ZNF638: variants seen among roughly 807,000 people sequenced by gnomAD.
The protein encoded by ZNF638 is zinc finger protein 638.
A neutral mutation model predicts 195.6 loss-of-function variants in ZNF638; 46 were observed. The observed-to-expected ratio is 0.24, with a 90% CI of 0.19 to 0.30. The LOEUF (loss-of-function observed/expected upper bound fraction) is 0.30, where lower values mean the gene tolerates loss of function less well. Among genes scored for constraint, ZNF638 ranks in the 10% least tolerant of loss-of-function variants. The pLI, the probability that ZNF638 is intolerant of heterozygous loss-of-function variation, is 1.00. For missense variants in ZNF638, 2,440 were observed against 2,325.3 expected (o/e 1.05, Z -1.01); for synonymous variants, 845 against 772.0 (o/e 1.09, Z -1.57).
At chr2:71,352,999 G>A (rs2058899) in intron 2 of ZNF638, among the ~76,000 whole-genome samples, 72,964 of 151,976 alleles carry the variant, frequency 0.48, 19,019 homozygotes, top group Admixed American at 0.61. Context: ...CTACTAAGTG[G>A]CCAAATGATA....
chr2:71,421,190 G>A lies in ZNF638; in HGVS notation c.3300-1624G>A, dbSNP rs532535335. Among the ~76,000 whole-genome samples, 4 of 152,210 alleles carry A rather than the reference G, an allele frequency of 2.6e-5. No individual in the cohort carries two copies. The East Asian group carries it at 5.8e-4, about 22-fold the overall frequency. On this transcript the variant is annotated intron_variant, in intron 21 of 27. Transcript: ENST00000264447. ...TTCTTCATTATTGGAAATGAGTCTT[G>A]TAATTTAAAGACAAAAGCTTGTTTT... is the stretch of plus-strand genomic sequence containing the variant.
chr2:71,404,083 C>G, intron 17 of ZNF638, 85 bp downstream of exon 17: 5 of 1,381,246 alleles, frequency 3.6e-6, no homozygotes, highest in Non-Finnish European at 4.9e-6. Flanking sequence ...TAGTTTTCCA[C>G]TTTGGTTCAC....
chr2:71,365,522 A>G lies in ZNF638; in HGVS notation c.1811A>G (p.His604Arg), dbSNP rs963375102. 7 of 1,614,134 alleles carry G rather than the reference A, an allele frequency of 4.3e-6. No individual in the cohort carries two copies. Among genetic ancestry groups the G allele is most frequent in the Non-Finnish European group, 5.9e-6 (7 of 1,180,002 alleles). ...CATCTTGAAGCTGCTGATAAGGGAC[A>G]TTCACCAGCACAAAAGCCTAAAACT... Reference protein sequence around the residue: ...QKHLEAADKGHSPAQKPKTSS... With the variant: ...QKHLEAADKGRSPAQKPKTSS... The change falls in exon 6 of 28, where the codon CAT becomes CGT. Residue 604 changes from histidine to arginine, a missense_variant. His to Arg is a conservative substitution (Grantham distance 29, BLOSUM62 0). Around this residue, in one of 5 missense-constraint regions of ZNF638, gnomAD observed 1,883 missense variants for 1,739.1 expected, o/e 1.08. Transcript: ENST00000264447.
rs544043047 is a variant in ZNF638, at chr2:71,428,800, C to T, written c.5650+149C>T. 4 of 576,116 alleles carry T rather than the reference C, an allele frequency of 6.9e-6. No homozygotes were observed. The Admixed American group carries it at 1.4e-4, about 20-fold the overall frequency. 35.7% of individuals were successfully genotyped at this position (576,116 alleles called of 1,614,324 possible). A position where few individuals can be genotyped will look rare whatever the true frequency, so the allele number is the denominator to read the frequency against. ...AACTATAGTTATTAGATGTGGGTAA[C>T]ATTTTGATCTTTGTAATGTAGAGAG... On this transcript the variant is annotated intron_variant, in intron 25 of 27. Transcript: ENST00000264447.
At chr2:71,374,702 G>A (rs2079387274) in intron 8 of ZNF638, 1 of 152,172 alleles carries the variant, frequency 6.6e-6, no homozygotes, top group African/African-American at 2.4e-5. Context: ...CAGATAACTT[G>A]AGCTCAGGAG....
At position 71,427,365 on chromosome 2, in the gene ZNF638, G is replaced by A. The variant is rs770679709; in HGVS notation, c.5496G>A (p.Glu1832=). Residue 1832 remains glutamate (E), a synonymous_variant, in exon 24 of 28, where the codon GAG becomes GAA. Coordinates refer to ENST00000264447, the MANE Select transcript of ZNF638 (RefSeq NM_014497.5). The part of the protein sequence containing the change: ...ESLSQVGPVN[E]NVMEEDLKTM... ...TGTCCCAAGTGGGTCCAGTAAATGA[G>A]AATGTTATGGAAGAAGATCTAAAAA... The A allele has an allele frequency of 6.3e-7, 1 of 1,589,034 alleles. No homozygotes were observed. The highest frequency in any genetic ancestry group is 8.5e-7 in the Non-Finnish European group (1 of 1,173,534).
At chr2:71,422,303 A>G (rs1050307106) in intron 21 of ZNF638, among the ~76,000 whole-genome samples, 3 of 152,162 alleles carry the variant, frequency 2.0e-5, no homozygotes, top group African/African-American at 7.2e-5. Context: ...ACATCCAAAA[A>G]AAAAATAAAA....
chr2:71,388,454 G>A lies in ZNF638; in HGVS notation c.2378-7687G>A, dbSNP rs765113066. On this transcript the variant is annotated intron_variant, in intron 10 of 27. Transcript: ENST00000264447. ...CGGGGGCAACAACTACCCACAGATT[G>A]TGTTGGCTCCAGGCCTTTGTCATTA... 1.3e-4 allele frequency: 90 copies of A among 688,030 alleles called. 1 individual carries two copies. The highest frequency in any genetic ancestry group is 9.6e-4 in the Middle Eastern group (4 of 4,178). 42.6% of individuals were successfully genotyped at this position (688,030 alleles called of 1,614,324 possible). A position where few individuals can be genotyped will look rare whatever the true frequency, so the allele number is the denominator to read the frequency against.
intron 3 of ZNF638, 90 bp downstream of exon 3, chr2:71,355,870 C>A: frequency 4.9e-6 from 3 of 612,054 alleles, no homozygotes; most frequent in Admixed American, 4.0e-5. Flanking sequence ...TAGTATAATA[C>A]TTTGGAGAAA....
Position 71,380,296 on chromosome 2 carries a change from A to T in ZNF638, c.2324+16A>T. 6.6e-7 allele frequency: 1 copy of T among 1,525,184 alleles called. No individual in the cohort carries two copies. The highest frequency in any genetic ancestry group is 2.3e-5 in the East Asian group (1 of 43,216). The allele number at this position is 1,525,184 out of a possible 1,614,324, so 94.5% of individuals were successfully genotyped here. A position where few individuals can be genotyped will look rare whatever the true frequency, so the allele number is the denominator to read the frequency against. On this transcript the variant is annotated intron_variant, in intron 9 of 27. Coordinates refer to ENST00000264447, the MANE Select transcript of ZNF638 (RefSeq NM_014497.5). ...CTACCTTAAAGTAAGTGACTTTATGATTTCATATGTGAGAATGAAATGTGC... is the reference window on the plus strand; with the variant it reads ...CTACCTTAAAGTAAGTGACTTTATGTTTTCATATGTGAGAATGAAATGTGC...
chr2:71,383,579 T>TC (rs1022375479), intron 10 of ZNF638, among the ~76,000 whole-genome samples: 18 of 146,474 alleles, frequency 1.2e-4, no homozygotes, highest in African/African-American at 1.5e-4. Flanking sequence ...TTTTTTTTTT[T>TC]TTCTTCTTTT....
At chr2:71,419,718 A>G (rs1402315193) in intron 21 of ZNF638, among the ~76,000 whole-genome samples, 1 of 152,152 alleles carries the variant, frequency 6.6e-6, no homozygotes, top group Non-Finnish European at 1.5e-5. Context: ...GTAGTACTAT[A>G]TATATAGACC....
In ZNF638 at chr2:71,349,953, C is replaced by A. The variant is rs2078913700; in HGVS notation, c.999C>A (p.Asn333Lys). 6.2e-7 allele frequency: 1 copy of A among 1,614,060 alleles called. No individual in the cohort carries two copies. Among genetic ancestry groups the A allele is most frequent in the Non-Finnish European group, 8.5e-7 (1 of 1,180,046 alleles). The change falls in exon 2 of 28, where the codon AAC becomes AAA. Residue 333 changes from asparagine (N) to lysine (K), a missense_variant. Coordinates refer to ENST00000264447, the MANE Select transcript of ZNF638 (RefSeq NM_014497.5). ...AATCTCTGATTCCTCCATCTATGAA[C>A]CAGCAACCTTTTTCGTCGGAATTAA... ...MSQSLIPPSM[N>K]QQPFSSELIS...
At chr2:71,383,565 T>G (rs376818170) in intron 10 of ZNF638, among the ~76,000 whole-genome samples, 14,626 of 139,570 alleles carry the variant, frequency 0.1, 698 homozygotes, top group African/African-American at 0.12. Flanking sequence ...GGGTGGTTTT[T>G]TTTTTTTTTT....
At chr2:71,361,806 A>G (rs1423767820) in intron 3 of ZNF638, 1 of 53,788 alleles carries the variant, frequency 1.9e-5, no homozygotes, top group African/African-American at 6.4e-5. Flanking sequence ...TGGGAAAGCA[A>G]ATATTTAGCT....
At chr2:71,420,207 C>G (rs1164187517) in intron 21 of ZNF638, among the ~76,000 whole-genome samples, 1 of 151,644 alleles carries the variant, frequency 6.6e-6, no homozygotes, top group Non-Finnish European at 1.5e-5. Context: ...GTACTACATG[C>G]ACTTGTTTTG....
chr2:71,429,574 AT>A (rs1470269813), intron 25 of ZNF638, among the ~76,000 whole-genome samples: 3 of 152,196 alleles, frequency 2.0e-5, no homozygotes, highest in Non-Finnish European at 4.4e-5. Context: ...TGAAAGAAAT[AT>A]CCCTTTGACC....
rs532019789 is a variant in ZNF638, at chr2:71,378,057, A to C, written c.2266-2165A>C. Among the ~76,000 whole-genome samples the C allele has an allele frequency of 5.3e-5, 8 of 152,332 alleles. No homozygotes were observed. The East Asian group carries it at 1.5e-3, about 29-fold the overall frequency. On this transcript the variant is annotated intron_variant, in intron 8 of 27. Coordinates refer to ENST00000264447, the MANE Select transcript of ZNF638 (RefSeq NM_014497.5). ...AATACATCTTTTTCTAAAACATTAA[A>C]ATGAAGATCTTAAGAAATGGAGAAG...
intron 10 of ZNF638, among the ~76,000 whole-genome samples, chr2:71,391,618 A>C (rs575268711): frequency 6.6e-6 from 1 of 152,362 alleles, no homozygotes; most frequent in South Asian, 2.1e-4. Context: ...GAAATATCTT[A>C]GGTACATACT....
Sources: allele counts gnomAD v4.1 joint callset (sites outside exome capture counted in the v4.1 genomes callset), GRCh38; gene constraint gnomAD v4.1.1; regional missense constraint gnomAD v4.1.1; transcripts MANE v1.5; gene names NCBI Gene and HGNC (gene_info 2026-07-23, HGNC 2026-07-21).